The following INSR variants were observed in gnomAD, a reference collection of about 807,000 sequenced individuals.
INSR encodes the protein IR.
Under a neutral mutation model 142.6 loss-of-function variants are expected in INSR, and 67 were observed. The observed-to-expected ratio is 0.47, with a 90% confidence interval of 0.39 to 0.58. The LOEUF (loss-of-function observed/expected upper bound fraction) is 0.58, where lower values mean the gene tolerates loss of function less well. Among genes scored for constraint, INSR ranks in the 20% least tolerant of loss-of-function variants. The pLI is 0.00. For missense variants in INSR, 1,248 were observed against 1,833.2 expected (o/e 0.68, Z 5.83); for synonymous variants, 756 against 743.1 (o/e 1.02, Z -0.28).
At chr19:7,118,597 C>T (rs199813614) in intron 21 of INSR, among the ~76,000 whole-genome samples, 11 of 151,918 alleles carry the variant, frequency 7.2e-5, no homozygotes, top group Admixed American at 6.6e-4. Flanking sequence ...GGATTACAGG[C>T]GTGAGCCACC....
At chr19:7,163,797 G>T (rs1973819700) in intron 8 of INSR, among the ~76,000 whole-genome samples, 1 of 151,256 alleles carries the variant, frequency 6.6e-6, no homozygotes, top group African/African-American at 2.4e-5. Context: ...TGAATTCGAG[G>T]CCAGGCACAG....
chr19:7,163,246 A>C (rs755818204), intron 8 of INSR, 47 bp from the exon 9 acceptor site: 6 of 1,563,638 alleles, frequency 3.8e-6, no homozygotes, highest in Admixed American at 1.7e-5. Context: ...ACAGTGTGCA[A>C]AGAAAGCTGG....
At chr19:7,279,670 C>T (rs933447999) in intron 1 of INSR, among the ~76,000 whole-genome samples, 1 of 151,606 alleles carries the variant, frequency 6.6e-6, no homozygotes, top group African/African-American at 2.4e-5. Flanking sequence ...AAAGGTAGCA[C>T]GGAGACAACT....
intron 21 of INSR, 62 bp from the exon 22 acceptor site, chr19:7,117,472 C>T (rs1221313578): frequency 5.4e-6 from 7 of 1,298,438 alleles, no homozygotes; most frequent in African/African-American, 1.4e-5. Flanking sequence ...TCCTCCCAAA[C>T]CCCCACTCTT....
At chr19:7,188,525 G>A (rs1974489547) in intron 2 of INSR, among the ~76,000 whole-genome samples, 1 of 140,306 alleles carries the variant, frequency 7.1e-6, no homozygotes, top group Non-Finnish European at 1.5e-5. Context: ...ACTCCAGGCT[G>A]GCTGACAGAG....
At position 7,216,658 on chromosome 19, in the gene INSR, G is replaced by A. The variant is rs8105852; in HGVS notation, c.653-32021C>T. On this transcript the variant is annotated intron_variant, in intron 2 of 21. Coordinates refer to ENST00000302850, the MANE Select transcript of INSR (RefSeq NM_000208.4). The surrounding 1 kb of genome is among the most constrained non-coding windows in gnomAD (Gnocchi z 4.2). ...AAGGCCATCAGGATGCTGGGGCCCC[G>A]TATCCACCTCTCACCAAGGCCCTGC... is the stretch of plus-strand genomic sequence containing the variant. Among the ~76,000 whole-genome samples the A allele has an allele frequency of 0.011, 1,738 of 152,220 alleles. 51 individuals carry two copies. The highest frequency in any genetic ancestry group is 0.04 in the African/African-American group (1,643 of 41,532).
Position 7,152,946 on chromosome 19 carries a change from A to G in INSR, c.2030-19T>C. On this transcript the variant is annotated intron_variant, in intron 9 of 21. Coordinates refer to ENST00000302850, the MANE Select transcript of INSR (RefSeq NM_000208.4). ...TTCAGCCCTGGAGAAAGAAACAGAA[A>G]AGGGGGGCTCAAGTCTCTGCGGCTG... is the stretch of plus-strand genomic sequence containing the variant. 1 of 1,597,112 alleles carries G rather than the reference A, an allele frequency of 6.3e-7. No individual in the cohort carries two copies.
chr19:7,271,788 T>C (rs182376505), intron 1 of INSR, among the ~76,000 whole-genome samples: 1 of 151,322 alleles, frequency 6.6e-6, no homozygotes, highest in East Asian at 2.0e-4. Context: ...GACGGAAGGA[T>C]TGCTTAAACC....
At chr19:7,210,821 G>A (rs568347330) in intron 2 of INSR, among the ~76,000 whole-genome samples, 30 of 151,776 alleles carry the variant, frequency 2.0e-4, no homozygotes, top group Non-Finnish European at 1.3e-4. Context: ...CCTCTGCCTC[G>A]CGGTTTCAAG....
intron 13 of INSR, among the ~76,000 whole-genome samples, chr19:7,140,995 T>A (rs559781823): frequency 1.3e-5 from 2 of 152,330 alleles, no homozygotes; most frequent in East Asian, 3.9e-4. Context: ...GCACCTTGCA[T>A]GGTGTCTGGC....
chr19:7,183,566 T>C (rs1330921521), intron 3 of INSR, among the ~76,000 whole-genome samples: 2 of 152,052 alleles, frequency 1.3e-5, no homozygotes, highest in African/African-American at 2.4e-5. Flanking sequence ...GGAGACAGTA[T>C]GTTCTGGGCT....
chr19:7,288,953 A>G (rs1235916441), intron 1 of INSR, among the ~76,000 whole-genome samples: 1 of 139,808 alleles, frequency 7.2e-6, no homozygotes, highest in African/African-American at 3.0e-5. Flanking sequence ...AAGAAGTGAA[A>G]AAAAAAAAAA....
chr19:7,262,790 C>T (rs1018830977), intron 2 of INSR, among the ~76,000 whole-genome samples: 2 of 152,184 alleles, frequency 1.3e-5, no homozygotes, highest in African/African-American at 4.8e-5. Flanking sequence ...GAGGTCCCTA[C>T]AGTCATCACA....
chr19:7,143,083 G>A lies in INSR; in HGVS notation c.2275C>T (p.Arg759Trp), dbSNP rs752552480. 3 of 1,614,070 alleles carry A rather than the reference G, an allele frequency of 1.9e-6. No individual in the cohort carries two copies. Among genetic ancestry groups the A allele is most frequent in the Admixed American group, 1.7e-5 (1 of 60,002 alleles). ...ACATCGCCAAGGGACCTGCGTTTCC[G>A]AGATGGCCTGGAACGACAGTAGGAC... ...GTGAEDPRPS[R>W]KRRSLGDVGN... The change falls in exon 12 of 22, where the codon CGG (arginine) becomes TGG (tryptophan). Residue 759 changes from arginine to tryptophan, a missense_variant. Arg to Trp is a moderately radical substitution (Grantham distance 101, BLOSUM62 -3). This residue lies in a region of INSR where 1,069 missense variants were observed against 1,654.0 expected (regional missense o/e 0.65). Transcript: ENST00000302850.
At chr19:7,266,382 TC>T (rs530847920) in intron 2 of INSR, among the ~76,000 whole-genome samples, 1 of 125,224 alleles carries the variant, frequency 8.0e-6, no homozygotes, top group African/African-American at 3.1e-5. Flanking sequence ...CTAGAAATTA[TC>T]TTTTTTTTTT....
At chr19:7,117,779 G>GT (rs1350945016) in intron 21 of INSR, among the ~76,000 whole-genome samples, 2 of 151,258 alleles carry the variant, frequency 1.3e-5, no homozygotes, top group African/African-American at 4.9e-5. Flanking sequence ...GCTAATTTTT[G>GT]TATTTTTTGC....
rs1555690133 is a variant in INSR, at chr19:7,269,038, C to CCACACACACCCACACA, written c.101-1143_101-1142insTGTGTGGGTGTGTGTG. ...TCTCTCTGCCAACACACCCACACAC[C>CCACACACACCCACACA]CACACACACACACACACACACACCG... On this transcript the variant is annotated intron_variant, in intron 1 of 21. Transcript: ENST00000302850. Among the ~76,000 whole-genome samples the CCACACACACCCACACA allele has an allele frequency of 1.8e-4, 26 of 146,958 alleles. No homozygotes were observed. The South Asian group carries it at 2.6e-3, about 15-fold the overall frequency.
intron 9 of INSR, among the ~76,000 whole-genome samples, chr19:7,153,632 C>T (rs771978974): frequency 1.3e-5 from 2 of 152,136 alleles, no homozygotes; most frequent in African/African-American, 2.4e-5. Context: ...GTGAGAGGAT[C>T]GCTTGAGCCC....
Position 7,152,460 on chromosome 19 carries a change from C to T in INSR, c.2231+266G>A, listed in dbSNP as rs551279004. ...GTTTGTTTTGGAACTCACGTGGAGA[C>T]CAGCTCAGGAGAGGTAAGAAAGGCA... On this transcript the variant is annotated intron_variant, in intron 10 of 21. Transcript: ENST00000302850. The T allele has an allele frequency of 7.8e-6, 4 of 511,710 alleles. No homozygotes were observed. The South Asian group carries it at 8.1e-5, about 10-fold the overall frequency. 31.7% of individuals were successfully genotyped at this position (511,710 alleles called of 1,614,324 possible).
Sources: gnomAD v4.1 joint callset for allele counts (sites outside exome capture counted in the v4.1 genomes callset) on GRCh38, gnomAD v4.1.1 for gene constraint, gnomAD v4.1.1 regional missense constraint, Gnocchi (gnomAD v3.1) non-coding constraint, MANE v1.5 for transcripts, NCBI Gene and HGNC (gene_info 2026-07-23, HGNC 2026-07-21) for gene names.